The following ZNF385D variants were observed in gnomAD, a reference collection of about 807,000 sequenced individuals.
ZNF385D encodes zinc finger protein 385D.
ZNF385D carries 15 observed loss-of-function variants against 35.8 expected under a neutral mutation model. That is an observed-to-expected ratio of 0.42 (90% CI 0.28 to 0.64). ZNF385D has a LOEUF of 0.64. Among genes scored for constraint, ZNF385D ranks in the 30% least tolerant of loss-of-function variants. ZNF385D has a pLI of 0.23. For missense variants in ZNF385D, 474 were observed against 494.6 expected, an observed-to-expected ratio of 0.96 and a Z score of 0.39; for synonymous variants, 212 against 186.8, an observed-to-expected ratio of 1.13 and a Z score of -1.10.
chr3:21,778,827 A>G (rs1487356745), intron 3 of ZNF385D, among the ~76,000 whole-genome samples: 2 of 152,024 alleles, frequency 1.3e-5, no homozygotes, highest in African/African-American at 4.8e-5. Flanking sequence ...CTCAAGGAAA[A>G]ATATTGTGAT....
intron 3 of ZNF385D, among the ~76,000 whole-genome samples, chr3:22,009,361 C>T (rs535702921): frequency 2.0e-5 from 3 of 151,996 alleles, no homozygotes; most frequent in East Asian, 1.9e-4. Flanking sequence ...AGGTGGCTCA[C>T]TCCTGCAATC....
At chr3:22,154,455 G>A (rs1181701674) in intron 3 of ZNF385D, among the ~76,000 whole-genome samples, 8 of 152,124 alleles carry the variant, frequency 5.3e-5, no homozygotes, top group African/African-American at 1.9e-4. Context: ...GAAAACAGAA[G>A]AAAATCTGAA....
At chr3:21,533,494 C>T (rs1032053274) in intron 3 of ZNF385D, among the ~76,000 whole-genome samples, 13 of 152,018 alleles carry the variant, frequency 8.6e-5, no homozygotes, top group African/African-American at 2.4e-4. Flanking sequence ...TGGTGAATGT[C>T]GATGGCATAT....
chr3:21,612,148 G>T (rs1362115064), intron 2 of ZNF385D, among the ~76,000 whole-genome samples: 1 of 152,070 alleles, frequency 6.6e-6, no homozygotes, highest in East Asian at 1.9e-4. Flanking sequence ...GCATGATCTC[G>T]GCTCAGTGCA....
At chr3:21,697,477 G>A (rs776058137) in intron 1 of ZNF385D, among the ~76,000 whole-genome samples, 2 of 152,018 alleles carry the variant, frequency 1.3e-5, no homozygotes, top group Non-Finnish European at 2.9e-5. Context: ...TGGAGTAAAG[G>A]GTACAGAATT....
At chr3:21,842,501 C>T (rs1254792172) in intron 3 of ZNF385D, among the ~76,000 whole-genome samples, 1 of 151,906 alleles carries the variant, frequency 6.6e-6, no homozygotes, top group Non-Finnish European at 1.5e-5. Context: ...GACTTCAAGC[C>T]CCATTTGGTC....
At chr3:21,783,697 G>A (rs186006653) in intron 3 of ZNF385D, among the ~76,000 whole-genome samples, 32 of 152,144 alleles carry the variant, frequency 2.1e-4, no homozygotes, top group African/African-American at 7.5e-4. Flanking sequence ...CATGCACGAA[G>A]AACACCGTAA....
chr3:21,786,318 T>A (rs1482619759), intron 3 of ZNF385D, among the ~76,000 whole-genome samples: 2 of 152,222 alleles, frequency 1.3e-5, no homozygotes, highest in African/African-American at 4.8e-5. Context: ...CTAGAAATGT[T>A]TTTGACCGTC....
In ZNF385D at chr3:22,267,987, T is replaced by G. The variant is rs372702713; in HGVS notation, c.107-98952A>C. Reference sequence around the variant, plus strand: ...TTTAGTTCAAGTCATAGCATTCTAATAACTGAAAGAAAGCAAATATTCTTT... The same window carrying G: ...TTTAGTTCAAGTCATAGCATTCTAAGAACTGAAAGAAAGCAAATATTCTTT... On this transcript the variant is annotated intron_variant, in intron 2 of 5. Transcript: ENST00000494108. 4.6e-5 allele frequency among the ~76,000 whole-genome samples: 7 copies of G among 152,124 alleles called. No homozygotes were observed. The South Asian group carries it at 8.3e-4, about 18-fold the overall frequency.
At chr3:21,479,306 C>G (rs1256920962) in intron 4 of ZNF385D, among the ~76,000 whole-genome samples, 1 of 151,800 alleles carries the variant, frequency 6.6e-6, no homozygotes, top group African/African-American at 2.4e-5. Context: ...GGAAATTTTT[C>G]TTCTCAGAAC....
intron 3 of ZNF385D, among the ~76,000 whole-genome samples, chr3:21,824,508 T>C (rs1559661450): frequency 6.6e-6 from 1 of 152,214 alleles, no homozygotes. Context: ...TATGTACATA[T>C]GTCTGTACAT....
chr3:22,203,250 G>A (rs961634045), intron 2 of ZNF385D, among the ~76,000 whole-genome samples: 1 of 152,042 alleles, frequency 6.6e-6, no homozygotes, highest in African/African-American at 2.4e-5. Context: ...CTCATTCTAG[G>A]GCCTACCTCC....
intron 3 of ZNF385D, among the ~76,000 whole-genome samples, chr3:21,964,467 C>T (rs1487281678): frequency 9.1e-6 from 1 of 109,974 alleles, no homozygotes; most frequent in Non-Finnish European, 1.9e-5. Context: ...TCCAATTTCT[C>T]AGATTTTTTT....
intron 3 of ZNF385D, among the ~76,000 whole-genome samples, chr3:21,866,405 G>T (rs1284604388): frequency 6.6e-6 from 1 of 152,190 alleles, no homozygotes; most frequent in Admixed American, 6.5e-5. Flanking sequence ...AGTGAGCCAA[G>T]ATCGCACGAT....
chr3:21,885,794 C>T (rs955682035), intron 3 of ZNF385D, among the ~76,000 whole-genome samples: 1 of 134,958 alleles, frequency 7.4e-6, no homozygotes, highest in East Asian at 2.1e-4. Context: ...AAAGAGAGAC[C>T]GATTTATTTA....
chr3:21,485,519 A>T (rs1203015830), intron 4 of ZNF385D, among the ~76,000 whole-genome samples: 1 of 151,756 alleles, frequency 6.6e-6, no homozygotes, highest in Non-Finnish European at 1.5e-5. Flanking sequence ...CTATACCATC[A>T]TTTCTGCTCT....
intron 2 of ZNF385D, among the ~76,000 whole-genome samples, chr3:22,305,584 C>T (rs138276647): frequency 1.1e-3 from 168 of 152,148 alleles, no homozygotes; most frequent in African/African-American, 3.8e-3. Context: ...TGCCATAGCA[C>T]AGGAAAAAGA....
chr3:21,952,385 T>C (rs546266019), intron 3 of ZNF385D, among the ~76,000 whole-genome samples: 2 of 152,096 alleles, frequency 1.3e-5, no homozygotes, highest in South Asian at 4.1e-4. Context: ...AAAGGCCTCA[T>C]TAGGAGAGGC....
chr3:22,120,146 TG>T (rs1703015420), intron 3 of ZNF385D, among the ~76,000 whole-genome samples: 1 of 151,832 alleles, frequency 6.6e-6, no homozygotes, highest in Non-Finnish European at 1.5e-5. Context: ...TTTTTTAATG[TG>T]GGGGACTTAA....
Sources: gnomAD v4.1 joint callset for allele counts (sites outside exome capture counted in the v4.1 genomes callset) on GRCh38, gnomAD v4.1.1 for gene constraint, MANE v1.5 for transcripts, NCBI Gene and HGNC (gene_info 2026-07-23, HGNC 2026-07-21) for gene names.